Variants in MARCHF1 observed in about 807,000 individuals in gnomAD.
MARCHF1 encodes the protein membrane associated ring-CH-type finger 1.
In MARCHF1, 40 loss-of-function variants were observed where a neutral mutation model predicts 54.2. The observed-to-expected ratio is 0.74, with a 90% CI of 0.57 to 0.96. MARCHF1 has a LOEUF of 0.96. Ranked by LOEUF, MARCHF1 falls within the 40% of genes least tolerant of loss-of-function variation. The pLI is 0.00. For missense variants in MARCHF1, 586 were observed against 656.5 expected (o/e 0.89, Z 1.17); for synonymous variants, 236 against 236.3 (o/e 1.00, Z 0.01).
At chr4:163,876,968 G>C (rs1238422566) in intron 3 of MARCHF1, among the ~76,000 whole-genome samples, 1 of 151,918 alleles carries the variant, frequency 6.6e-6, no homozygotes, top group Non-Finnish European at 1.5e-5. Flanking sequence ...ATAACCTTAT[G>C]GATTCAATCA....
chr4:163,737,477 T>G (rs1160157852), intron 4 of MARCHF1, among the ~76,000 whole-genome samples: 1 of 83,228 alleles, frequency 1.2e-5, no homozygotes, highest in African/African-American at 3.7e-5. Context: ...TTTGGTTTTT[T>G]GTTCTTGCGA....
intron 4 of MARCHF1, among the ~76,000 whole-genome samples, chr4:163,704,256 G>A (rs1473988250): frequency 1.3e-5 from 2 of 151,674 alleles, no homozygotes; most frequent in Non-Finnish European, 2.9e-5. Flanking sequence ...AGAAACTAAG[G>A]TAATTTGGAG....
At chr4:164,053,122 T>C (rs1368636426) in intron 2 of MARCHF1, among the ~76,000 whole-genome samples, 1 of 152,162 alleles carries the variant, frequency 6.6e-6, no homozygotes, top group African/African-American at 2.4e-5. Context: ...GGGAGCATAT[T>C]GATTTAGAGA....
At chr4:163,663,761 A>C (rs2111107500) in intron 5 of MARCHF1, among the ~76,000 whole-genome samples, 1 of 152,208 alleles carries the variant, frequency 6.6e-6, no homozygotes, top group East Asian at 1.9e-4. Context: ...TAATATCTAT[A>C]AGCTCATGCT....
intron 2 of MARCHF1, among the ~76,000 whole-genome samples, chr4:164,053,749 C>T (rs187732466): frequency 1.1e-4 from 16 of 152,266 alleles, no homozygotes; most frequent in South Asian, 8.3e-4. Context: ...ATTTCTTCAA[C>T]GTACAAAACA....
intron 1 of MARCHF1, among the ~76,000 whole-genome samples, chr4:164,133,832 A>G (rs1291807084): frequency 2.0e-5 from 3 of 152,208 alleles, no homozygotes; most frequent in Non-Finnish European, 2.9e-5. Context: ...TGCACTTTGC[A>G]AAAAAGACAC....
At chr4:164,222,436 T>A (rs144229938) in intron 1 of MARCHF1, among the ~76,000 whole-genome samples, 9 of 151,972 alleles carry the variant, frequency 5.9e-5, no homozygotes, top group African/African-American at 1.9e-4. Context: ...AAAAGCAGCC[T>A]GGATCTAAGT....
At chr4:164,055,145 A>C (rs1646541353) in intron 2 of MARCHF1, 1 of 152,098 alleles carries the variant, frequency 6.6e-6, no homozygotes, top group African/African-American at 2.4e-5. Context: ...TAATGTAATA[A>C]AGAAATTACC....
chr4:164,244,073 C>A (rs1235514196), intron 1 of MARCHF1, among the ~76,000 whole-genome samples: 1 of 151,974 alleles, frequency 6.6e-6, no homozygotes, highest in Non-Finnish European at 1.5e-5. Flanking sequence ...ACAAGGATAT[C>A]CAGGAATTGA....
chr4:163,823,529 T>C (rs569305954), intron 4 of MARCHF1, among the ~76,000 whole-genome samples: 72 of 151,866 alleles, frequency 4.7e-4, no homozygotes, highest in Non-Finnish European at 9.4e-4. Context: ...CTATTACGTA[T>C]AATTTGACAA....
chr4:163,996,472 C>T (rs1030014969), intron 2 of MARCHF1, among the ~76,000 whole-genome samples: 18 of 151,992 alleles, frequency 1.2e-4, no homozygotes, highest in Admixed American at 3.3e-4. Flanking sequence ...CTGGTAACTA[C>T]GTATGGGCAT....
At chr4:164,002,339 T>A (rs1487603864) in intron 2 of MARCHF1, among the ~76,000 whole-genome samples, 3 of 151,392 alleles carry the variant, frequency 2.0e-5, no homozygotes, top group Admixed American at 2.0e-4. Flanking sequence ...AAAATTAATT[T>A]AAAAATCGAT....
intron 4 of MARCHF1, among the ~76,000 whole-genome samples, chr4:163,747,545 A>C (rs1746397278): frequency 6.6e-6 from 1 of 152,258 alleles, no homozygotes; most frequent in Non-Finnish European, 1.5e-5. Flanking sequence ...CCATATGCTC[A>C]AAATGTTTAA....
intron 3 of MARCHF1, among the ~76,000 whole-genome samples, chr4:163,939,473 G>C (rs1007364768): frequency 4.6e-5 from 7 of 152,106 alleles, no homozygotes; most frequent in Non-Finnish European, 1.0e-4. Context: ...GTTATTCAAA[G>C]TGTCCTCTGT....
chr4:163,732,545 A>G (rs1252853732), intron 4 of MARCHF1, among the ~76,000 whole-genome samples: 1 of 152,218 alleles, frequency 6.6e-6, no homozygotes, highest in Non-Finnish European at 1.5e-5. Flanking sequence ...AAACATGAAG[A>G]AAATATACCA....
Position 164,176,976 on chromosome 4 carries a change from C to CA in MARCHF1, c.-322-65315_-322-65314insT, listed in dbSNP as rs1560940600. ...TCTCTCTCTCTCTCTCTCTCTCTCT[C>CA]TCTCTATATATATATATATATATAT... On this transcript the variant is annotated intron_variant, in intron 1 of 9. Coordinates refer to ENST00000514618, the MANE Select transcript of MARCHF1 (RefSeq NM_001394959.1). Among the ~76,000 whole-genome samples the CA allele has an allele frequency of 9.3e-3, 306 of 32,816 alleles. 46 individuals carry two copies. Among genetic ancestry groups the CA allele is most frequent in the Admixed American group, 0.02 (56 of 2,812 alleles). The allele number at this position is 32,816 out of a possible 152,430, so 21.5% of individuals were successfully genotyped here. A position where few individuals can be genotyped will look rare whatever the true frequency, so the allele number is the denominator to read the frequency against.
chr4:164,266,820 C>G (rs1209669778), intron 1 of MARCHF1, among the ~76,000 whole-genome samples: 3 of 152,138 alleles, frequency 2.0e-5, no homozygotes, highest in Non-Finnish European at 4.4e-5. Flanking sequence ...ACAAAGGTAA[C>G]TTTTAATAGA....
chr4:163,601,731 G>T (rs980788784), intron 7 of MARCHF1, among the ~76,000 whole-genome samples: 2 of 151,832 alleles, frequency 1.3e-5, no homozygotes, highest in Admixed American at 1.3e-4. Context: ...AAAATTCCTG[G>T]TTGATATTCA....
At chr4:163,975,184 T>TCACACACA (rs1340438965) in intron 3 of MARCHF1, among the ~76,000 whole-genome samples, 12 of 134,920 alleles carry the variant, frequency 8.9e-5, no homozygotes, top group African/African-American at 4.1e-4. Context: ...TCTCTCTCTC[T>TCACACACA]CTCTCTCTCT....
Sources: allele counts gnomAD v4.1 joint callset (sites outside exome capture counted in the v4.1 genomes callset), GRCh38; gene constraint gnomAD v4.1.1; transcripts MANE v1.5; gene names NCBI Gene and HGNC (gene_info 2026-07-23, HGNC 2026-07-21).